STAG1: variants seen among roughly 807,000 people sequenced by gnomAD.
STAG1 encodes the protein STAG1 cohesin complex component.
A neutral mutation model predicts 170.9 loss-of-function variants in STAG1; 26 were observed. The observed-to-expected ratio is 0.15, with a 90% CI of 0.11 to 0.21. STAG1 has a LOEUF of 0.21. STAG1 is among the 10% of genes least tolerant of loss of function. STAG1 has a pLI of 1.00. For missense variants in STAG1, 964 were observed against 1,509.5 expected, an observed-to-expected ratio of 0.64 and a Z score of 5.99; for synonymous variants, 514 against 497.7, an observed-to-expected ratio of 1.03 and a Z score of -0.44.
intron 1 of STAG1, among the ~76,000 whole-genome samples, chr3:136,720,771 A>G (rs1314632862): frequency 1.3e-5 from 2 of 152,030 alleles, no homozygotes; most frequent in Non-Finnish European, 2.9e-5. Context: ...TCTGGGTGAC[A>G]GAGCAAGATT....
At chr3:136,604,806 C>A (rs778021371) in intron 3 of STAG1, among the ~76,000 whole-genome samples, 1 of 152,034 alleles carries the variant, frequency 6.6e-6, no homozygotes, top group Non-Finnish European at 1.5e-5. Context: ...CCCACCACCA[C>A]GACCAGTTAA....
intron 4 of STAG1, among the ~76,000 whole-genome samples, chr3:136,582,277 G>A (rs2093796514): frequency 6.6e-6 from 1 of 152,192 alleles, no homozygotes; most frequent in Admixed American, 6.5e-5. Context: ...TACCTGCAAT[G>A]AGAGAAGTTC....
chr3:136,466,385 C>G (rs2089460708), intron 12 of STAG1, among the ~76,000 whole-genome samples: 1 of 152,100 alleles, frequency 6.6e-6, no homozygotes, highest in African/African-American at 2.4e-5. Context: ...ATTCGATCAA[C>G]TGGAAGAAAG....
At chr3:136,598,393 A>T (rs1938519871) in intron 4 of STAG1, among the ~76,000 whole-genome samples, 1 of 151,868 alleles carries the variant, frequency 6.6e-6, no homozygotes, top group Non-Finnish European at 1.5e-5. Context: ...TTCACATTAC[A>T]ACTCTGTATA....
chr3:136,645,228 C>T (rs1406098988), intron 1 of STAG1, among the ~76,000 whole-genome samples: 1 of 152,234 alleles, frequency 6.6e-6, no homozygotes, highest in Non-Finnish European at 1.5e-5. Context: ...GATACATCTT[C>T]TATCTCTGCA....
chr3:136,514,509 C>A (rs560065242), intron 7 of STAG1, among the ~76,000 whole-genome samples: 1 of 152,272 alleles, frequency 6.6e-6, no homozygotes, highest in Admixed American at 6.5e-5. Flanking sequence ...TGTGGTGATT[C>A]CCCAGTTATC....
intron 1 of STAG1, among the ~76,000 whole-genome samples, chr3:136,729,136 G>A (rs915726866): frequency 1.3e-5 from 2 of 151,986 alleles, no homozygotes; most frequent in Admixed American, 6.6e-5. Flanking sequence ...GCATGCCATC[G>A]TGCCTAGCTA....
In STAG1 at chr3:136,354,299, T is replaced by C. The variant is rs868481907; in HGVS notation, c.3065+3421A>G. On this transcript the variant is annotated intron_variant, in intron 28 of 33. Coordinates refer to ENST00000383202, the MANE Select transcript of STAG1 (RefSeq NM_005862.3). Reference sequence around the variant, plus strand: ...TAAATCAGGATAGACCTTAGGTAAATTTTGTTTTGTTGAGGCGGAATCGCA... The same window carrying C: ...TAAATCAGGATAGACCTTAGGTAAACTTTGTTTTGTTGAGGCGGAATCGCA... 1.1e-4 allele frequency among the ~76,000 whole-genome samples: 17 copies of C among 152,174 alleles called. 1 individual carries two copies. Among genetic ancestry groups the C allele is most frequent in the Middle Eastern group, 3.2e-3 (1 of 316 alleles).
intron 8 of STAG1, among the ~76,000 whole-genome samples, 163 bp downstream of exon 8, chr3:136,502,465 A>G (rs540459936): frequency 7.9e-5 from 12 of 152,338 alleles, no homozygotes; most frequent in South Asian, 2.1e-4. Context: ...CGGCACTTAC[A>G]TGATCACCAA....
chr3:136,550,964 G>A (rs1038273514), intron 5 of STAG1, among the ~76,000 whole-genome samples: 1 of 152,008 alleles, frequency 6.6e-6, no homozygotes, highest in Non-Finnish European at 1.5e-5. Context: ...CTATCGATAT[G>A]ACTAAACACT....
intron 1 of STAG1, among the ~76,000 whole-genome samples, chr3:136,718,800 G>A (rs1215223397): frequency 3.3e-5 from 5 of 151,958 alleles, no homozygotes; most frequent in African/African-American, 1.2e-4. Flanking sequence ...GGTGGGGGGG[G>A]CCTGTAATCC....
chr3:136,348,121 T>A (rs1044386652), intron 29 of STAG1, among the ~76,000 whole-genome samples: 1 of 152,166 alleles, frequency 6.6e-6, no homozygotes, highest in Non-Finnish European at 1.5e-5. Flanking sequence ...TAAGAAGTTA[T>A]AAAAAGAACA....
chr3:136,698,654 G>A (rs1221591040), intron 1 of STAG1, among the ~76,000 whole-genome samples: 1 of 152,132 alleles, frequency 6.6e-6, no homozygotes, highest in African/African-American at 2.4e-5. Context: ...AGGTAAAGAA[G>A]CCAGGCTAAA....
chr3:136,502,215 T>C (rs1298721730), intron 8 of STAG1, among the ~76,000 whole-genome samples: 5 of 152,094 alleles, frequency 3.3e-5, no homozygotes, highest in Admixed American at 2.6e-4. Context: ...TTTTAACACA[T>C]ATATGAAAAT....
chr3:136,523,376 A>C (rs1439866411), intron 6 of STAG1, among the ~76,000 whole-genome samples: 3 of 151,582 alleles, frequency 2.0e-5, no homozygotes, highest in Admixed American at 1.3e-4. Flanking sequence ...TCTTTTGAGA[A>C]GTGTCTGTTC....
chr3:136,698,642 A>G (rs1942966037), intron 1 of STAG1, among the ~76,000 whole-genome samples: 1 of 152,202 alleles, frequency 6.6e-6, no homozygotes, highest in Admixed American at 6.5e-5. Context: ...ACTGCTGGGT[A>G]AAGGTAAAGA....
At chr3:136,447,596 A>ATTTTT (rs777110138) in intron 14 of STAG1, among the ~76,000 whole-genome samples, 12 of 74,326 alleles carry the variant, frequency 1.6e-4, no homozygotes, top group South Asian at 6.9e-4. Flanking sequence ...AAAGCATCAC[A>ATTTTT]TTTTTTTTTT....
At chr3:136,572,835 T>C (rs1370534067) in intron 4 of STAG1, among the ~76,000 whole-genome samples, 1 of 152,148 alleles carries the variant, frequency 6.6e-6, no homozygotes, top group Admixed American at 6.6e-5. Flanking sequence ...AACAAAGTTG[T>C]ACCTTTTATA....
intron 24 of STAG1, 27 bp from the exon 25 acceptor site, chr3:136,367,109 G>T (rs145511462): frequency 0.013 from 20,321 of 1,565,046 alleles, 187 homozygotes; most frequent in Non-Finnish European, 0.016. Flanking sequence ...AATTGGTTAT[G>T]AATTCTGGTA....
Sources: gnomAD v4.1 joint callset for allele counts (sites outside exome capture counted in the v4.1 genomes callset) on GRCh38, gnomAD v4.1.1 for gene constraint, MANE v1.5 for transcripts, NCBI Gene and HGNC (gene_info 2026-07-23, HGNC 2026-07-21) for gene names.